Variants in MACROD1 observed in about 807,000 individuals in gnomAD.
MACROD1 encodes ADP-ribose glycohydrolase MACROD1.
A neutral mutation model predicts 41.4 loss-of-function variants in MACROD1; 31 were observed. The observed-to-expected ratio is 0.75, with a 90% confidence interval of 0.56 to 1.01. MACROD1 has a LOEUF of 1.01. MACROD1 is among the 50% of genes least tolerant of loss of function. MACROD1 has a pLI of 0.00. For missense variants in MACROD1, 473 were observed against 460.0 expected, an observed-to-expected ratio of 1.03 and a Z score of -0.26; for synonymous variants, 252 against 203.4, an observed-to-expected ratio of 1.24 and a Z score of -2.03.
intron 3 of MACROD1, among the ~76,000 whole-genome samples, chr11:64,077,967 C>T (rs1944234293): frequency 6.7e-6 from 1 of 150,154 alleles, no homozygotes; most frequent in Admixed American, 6.6e-5. Context: ...CTCAGCCTGG[C>T]CTCCTTTCCC....
rs548482677 is a variant in MACROD1, at chr11:64,122,523, G to C, written c.517+28716C>G. ...GTCTCCTCCTTCCCCTGGGGATCTG[G>C]GAAACCCTCCCTCTGAGCCCAGCCC... On this transcript the variant is annotated intron_variant, in intron 3 of 10. Transcript: ENST00000255681. The surrounding 1 kb of genome is among the most constrained non-coding windows in gnomAD (Gnocchi z 4.0). 6.6e-6 allele frequency among the ~76,000 whole-genome samples: 1 copy of C among 152,328 alleles called. No individual in the cohort carries two copies. The highest frequency in any genetic ancestry group is 1.9e-4 in the East Asian group (1 of 5,196).
intron 3 of MACROD1, among the ~76,000 whole-genome samples, chr11:64,033,131 G>A (rs1031614167): frequency 2.2e-4 from 33 of 152,202 alleles, no homozygotes; most frequent in African/African-American, 7.5e-4. Flanking sequence ...TTGGGGTCAC[G>A]AGGTAATGCC....
intron 3 of MACROD1, chr11:64,118,530 T>A: frequency 2.2e-6 from 1 of 463,004 alleles, no homozygotes; most frequent in East Asian, 3.3e-5. Flanking sequence ...ACATAATTTA[T>A]ACCAAGTTAT....
chr11:64,079,177 G>A (rs1226612511), intron 3 of MACROD1, among the ~76,000 whole-genome samples: 4 of 152,152 alleles, frequency 2.6e-5, no homozygotes, highest in African/African-American at 7.2e-5. Context: ...ACTTGCTGAC[G>A]ACTGTGTGTG....
chr11:64,033,724 C>T, intron 3 of MACROD1, among the ~76,000 whole-genome samples: 1 of 151,982 alleles, frequency 6.6e-6, no homozygotes, highest in East Asian at 1.9e-4. Flanking sequence ...TCCTGTAGTT[C>T]CAGCTACTCG....
intron 1 of MACROD1, among the ~76,000 whole-genome samples, chr11:64,164,758 C>T (rs1340703981): frequency 2.6e-5 from 4 of 151,152 alleles, no homozygotes; most frequent in Non-Finnish European, 3.0e-5. Flanking sequence ...TACTCCACCA[C>T]GGAGGCCCAG....
At chr11:64,019,839 G>A (rs1226844011) in intron 3 of MACROD1, among the ~76,000 whole-genome samples, 4 of 152,112 alleles carry the variant, frequency 2.6e-5, no homozygotes, top group African/African-American at 4.8e-5. Flanking sequence ...AAGGCTTCTC[G>A]GAGGAGGTGG....
intron 3 of MACROD1, among the ~76,000 whole-genome samples, chr11:64,053,911 C>A (rs369601859): frequency 1.3e-5 from 2 of 152,246 alleles, no homozygotes; most frequent in South Asian, 2.1e-4. Context: ...TCATCCCCCC[C>A]ACCACCTCTG....
intron 3 of MACROD1, among the ~76,000 whole-genome samples, chr11:64,073,973 G>A (rs1944155907): frequency 6.6e-6 from 1 of 152,130 alleles, no homozygotes; most frequent in African/African-American, 2.4e-5. Flanking sequence ...GGGTGCTTTG[G>A]AGGCCCAGGC....
intron 3 of MACROD1, among the ~76,000 whole-genome samples, chr11:64,059,026 C>T (rs1233137816): frequency 6.6e-6 from 1 of 152,196 alleles, no homozygotes; most frequent in African/African-American, 2.4e-5. Flanking sequence ...TGAGGAGTGC[C>T]TGATGCTCTT....
intron 3 of MACROD1, among the ~76,000 whole-genome samples, chr11:64,046,861 C>G (rs1004321548): frequency 6.6e-6 from 1 of 152,196 alleles, no homozygotes; most frequent in Non-Finnish European, 1.5e-5. Context: ...CCATCCCTGC[C>G]TCTCCCCATC....
At chr11:64,139,849 G>A (rs992744043) in intron 3 of MACROD1, among the ~76,000 whole-genome samples, 2 of 152,168 alleles carry the variant, frequency 1.3e-5, no homozygotes, top group South Asian at 4.1e-4. Context: ...CCAGCTACTC[G>A]GGAGGCTGAG....
chr11:64,081,537 A>G (rs1944303632), intron 3 of MACROD1, among the ~76,000 whole-genome samples: 1 of 152,028 alleles, frequency 6.6e-6, no homozygotes, highest in Admixed American at 6.6e-5. Context: ...CACCCCCCCG[A>G]CCCCATCGCA....
At chr11:64,038,127 A>G (rs564647) in intron 3 of MACROD1, among the ~76,000 whole-genome samples, 105,602 of 152,022 alleles carry the variant, frequency 0.69, 38,430 homozygotes, top group African/African-American at 0.89. Flanking sequence ...GCCTCCCATG[A>G]AAGCCCCTGG....
chr11:64,056,512 G>A (rs1053556033), intron 3 of MACROD1, among the ~76,000 whole-genome samples: 1 of 152,212 alleles, frequency 6.6e-6, no homozygotes, highest in African/African-American at 2.4e-5. Flanking sequence ...ACGGAGAGAC[G>A]GAGCCTGGGT....
At chr11:64,147,142 T>G (rs565792402) in intron 3 of MACROD1, among the ~76,000 whole-genome samples, 2 of 152,186 alleles carry the variant, frequency 1.3e-5, no homozygotes, top group Admixed American at 6.6e-5. Context: ...CACAGCTCAC[T>G]GCAGCCTCGA....
intron 4 of MACROD1, among the ~76,000 whole-genome samples, chr11:64,005,932 C>A (rs1308979835): frequency 6.6e-6 from 1 of 152,216 alleles, no homozygotes; most frequent in Non-Finnish European, 1.5e-5. Flanking sequence ...GGGACCACTC[C>A]CGCCTGGACG....
At chr11:64,130,234 G>A (rs1466742752) in intron 3 of MACROD1, among the ~76,000 whole-genome samples, 1 of 152,204 alleles carries the variant, frequency 6.6e-6, no homozygotes, top group African/African-American at 2.4e-5. Flanking sequence ...TGGCTGCCCT[G>A]CGGCCAAGAG....
At chr11:64,110,173 G>A (rs1944835444) in intron 3 of MACROD1, among the ~76,000 whole-genome samples, 2 of 152,244 alleles carry the variant, frequency 1.3e-5, no homozygotes, top group South Asian at 2.1e-4. Context: ...CCTGAGGCCC[G>A]GCGTGGTGGC....
Sources: allele counts gnomAD v4.1 joint callset (sites outside exome capture counted in the v4.1 genomes callset), GRCh38; gene constraint gnomAD v4.1.1; non-coding constraint Gnocchi (gnomAD v3.1); transcripts MANE v1.5; gene names NCBI Gene and HGNC (gene_info 2026-07-23, HGNC 2026-07-21).